The following STUM variants were observed in gnomAD, a reference collection of about 807,000 sequenced individuals.
STUM encodes the protein stum, mechanosensory transduction mediator homolog, also known as protein stum homolog.
In STUM, 8 loss-of-function variants were observed where a neutral mutation model predicts 15.3. The observed-to-expected ratio is 0.52, with a 90% CI of 0.31 to 0.94. The LOEUF is 0.94. STUM is among the 40% of genes least tolerant of loss of function. The pLI is 0.05. For synonymous variants in STUM, 78 were observed against 88.7 expected (o/e 0.88, Z 0.68); for missense variants, 142 against 204.9 (o/e 0.69, Z 1.87).
chr1:226,556,194 G>C (rs1430880824), intron 1 of STUM, among the ~76,000 whole-genome samples: 3 of 152,192 alleles, frequency 2.0e-5, no homozygotes, highest in Admixed American at 2.0e-4. Flanking sequence ...TGATACAGAG[G>C]AAGTTTGTGT....
Position 226,600,738 on chromosome 1 carries a change from C to T in STUM, c.391+64C>T. 2 of 1,568,364 alleles carry T rather than the reference C, an allele frequency of 1.3e-6. No homozygotes were observed. The highest frequency in any genetic ancestry group is 1.7e-6 in the Non-Finnish European group (2 of 1,146,364). On this transcript the variant is annotated intron_variant, in intron 3 of 3. Transcript: ENST00000366788. The surrounding 1 kb of genome is among the most constrained non-coding windows in gnomAD (Gnocchi z 5.2). ...CTTGGGGCCCTCCCCTCCCCCGAGACCCCCACTCCTGCACACAAACACCCC... is the reference window on the plus strand; with the variant it reads ...CTTGGGGCCCTCCCCTCCCCCGAGATCCCCACTCCTGCACACAAACACCCC...
rs138848433 is a variant in STUM, at chr1:226,590,890, G to T, written c.203-5912G>T. On this transcript the variant is annotated intron_variant, in intron 1 of 3. Coordinates refer to ENST00000366788, the MANE Select transcript of STUM (RefSeq NM_001003665.4). The stretch of plus-strand genomic sequence containing the variant: ...TCTCCTGTGAAGTCTTTCCTGCTAC[G>T]GCCAAACAGAATTCATCACTGTTCC... Among the ~76,000 whole-genome samples the T allele has an allele frequency of 1.8e-4, 27 of 152,298 alleles. No individual in the cohort carries two copies. The East Asian group carries it at 4.6e-3, about 26-fold the overall frequency.
chr1:226,599,394 A>G (rs1668231157), intron 2 of STUM, among the ~76,000 whole-genome samples: 1 of 152,238 alleles, frequency 6.6e-6, no homozygotes, highest in African/African-American at 2.4e-5. Flanking sequence ...TATAGGTGGG[A>G]TTACTCCCAG....
intron 1 of STUM, among the ~76,000 whole-genome samples, chr1:226,576,346 G>A (rs943973693): frequency 1.3e-5 from 2 of 152,214 alleles, no homozygotes; most frequent in Admixed American, 6.5e-5. Flanking sequence ...CTCCTGCAAG[G>A]CCAGTAGCCC....
intron 1 of STUM, among the ~76,000 whole-genome samples, chr1:226,593,582 G>C (rs1321309945): frequency 1.3e-5 from 2 of 152,128 alleles, no homozygotes; most frequent in Non-Finnish European, 2.9e-5. Context: ...TCTTGAATGA[G>C]TCTCTACAGA....
At chr1:226,586,121 A>C (rs577790985) in intron 1 of STUM, among the ~76,000 whole-genome samples, 4 of 152,230 alleles carry the variant, frequency 2.6e-5, no homozygotes, top group African/African-American at 9.6e-5. Context: ...TTCTGCTATT[A>C]CCTGCTATGT....
At chr1:226,566,759 G>T (rs1463261134) in intron 1 of STUM, among the ~76,000 whole-genome samples, 1 of 152,180 alleles carries the variant, frequency 6.6e-6, no homozygotes, top group Non-Finnish European at 1.5e-5. Flanking sequence ...TCTTATATTT[G>T]CTGGACCTTG....
At chr1:226,551,815 G>T (rs547929974) in intron 1 of STUM, among the ~76,000 whole-genome samples, 2 of 152,174 alleles carry the variant, frequency 1.3e-5, no homozygotes, top group South Asian at 2.1e-4. Flanking sequence ...ACAGAGTGTT[G>T]TAGCAGAAAT....
intron 1 of STUM, among the ~76,000 whole-genome samples, chr1:226,585,681 G>A (rs1053657218): frequency 1.3e-5 from 2 of 152,180 alleles, no homozygotes; most frequent in Non-Finnish European, 2.9e-5. Context: ...TGTTCTGTGG[G>A]TTATTTGCCT....
At chr1:226,571,916 C>T (rs145688885) in intron 1 of STUM, among the ~76,000 whole-genome samples, 2,098 of 152,268 alleles carry the variant, frequency 0.014, 22 homozygotes, top group South Asian at 0.038. Context: ...GCTTGGATTA[C>T]AGGCGTGAGC....
chr1:226,583,454 G>T (rs1667949435), intron 1 of STUM, among the ~76,000 whole-genome samples: 1 of 152,152 alleles, frequency 6.6e-6, no homozygotes, highest in Non-Finnish European at 1.5e-5. Flanking sequence ...TAATGATAAT[G>T]GTTTTACCTT....
rs1380875458 is a variant in STUM at position 226,552,258 on chromosome 1, G to A, written c.202+3152G>A. On this transcript the variant is annotated intron_variant, in intron 1 of 3. Coordinates refer to ENST00000366788, the MANE Select transcript of STUM (RefSeq NM_001003665.4). This position sits in a 1 kb window ranked among gnomAD's most constrained non-coding sequence, Gnocchi z 4.7. ...CTGTCTCCTAGGGAGTGGCTGGAAA[G>A]GAGAAGTGATTTATGATCACTCCAA... Among the ~76,000 whole-genome samples the A allele has an allele frequency of 6.6e-6, 1 of 152,032 alleles. No homozygotes were observed. The highest frequency in any genetic ancestry group is 1.5e-5 in the Non-Finnish European group (1 of 68,026).
chr1:226,560,469 A>T (rs1667522096), intron 1 of STUM, among the ~76,000 whole-genome samples: 1 of 152,192 alleles, frequency 6.6e-6, no homozygotes, highest in Non-Finnish European at 1.5e-5. Context: ...TGTTTCGATG[A>T]TTGTCATCTT....
intron 1 of STUM, among the ~76,000 whole-genome samples, chr1:226,585,700 G>A (rs1250017461): frequency 2.0e-5 from 3 of 152,314 alleles, no homozygotes; most frequent in Admixed American, 1.3e-4. Context: ...CTCTCTCACC[G>A]CCCCGTGGGA....
chr1:226,593,946 A>G (rs897939501), intron 1 of STUM, among the ~76,000 whole-genome samples: 16 of 152,210 alleles, frequency 1.1e-4, no homozygotes, highest in Non-Finnish European at 2.2e-4. Context: ...GGCAGGTGGT[A>G]GGAGGAGACA....
Position 226,549,584 on chromosome 1 carries a change from CG to C in STUM, c.202+481del, listed in dbSNP as rs982296237. ...GCTGAGCCGGGGAAAGAGGACGAGC[CG>C]GGCTAGATATACCTGCAGCCCCCTT... On this transcript the variant is annotated intron_variant, in intron 1 of 3. Transcript: ENST00000366788. The surrounding 1 kb of genome is among the most constrained non-coding windows in gnomAD (Gnocchi z 6.8). Among the ~76,000 whole-genome samples the C allele has an allele frequency of 3.3e-5, 5 of 152,182 alleles. No homozygotes were observed. The highest frequency in any genetic ancestry group is 7.3e-5 in the Non-Finnish European group (5 of 68,032).
At chr1:226,585,418 C>A (rs1667981331) in intron 1 of STUM, among the ~76,000 whole-genome samples, 1 of 152,166 alleles carries the variant, frequency 6.6e-6, no homozygotes, top group South Asian at 2.1e-4. Context: ...ACTTTACCTG[C>A]ATTAATTTAA....
intron 1 of STUM, among the ~76,000 whole-genome samples, chr1:226,551,416 T>C (rs1388257881): frequency 6.6e-6 from 1 of 152,184 alleles, no homozygotes; most frequent in Non-Finnish European, 1.5e-5. Flanking sequence ...TTGATCCCTC[T>C]GCTCCCCTCT....
chr1:226,598,210 C>A (rs529257353), intron 2 of STUM, among the ~76,000 whole-genome samples: 10 of 152,166 alleles, frequency 6.6e-5, no homozygotes, highest in African/African-American at 1.9e-4. Flanking sequence ...AAATTGGTCC[C>A]GACAATTCCA....
Sources: allele counts gnomAD v4.1 joint callset (sites outside exome capture counted in the v4.1 genomes callset), GRCh38; gene constraint gnomAD v4.1.1; non-coding constraint Gnocchi (gnomAD v3.1); transcripts MANE v1.5; gene names NCBI Gene and HGNC (gene_info 2026-07-23, HGNC 2026-07-21).